Variants in CLCN5 observed in about 807,000 individuals in gnomAD.
CLCN5 encodes the protein Cl-/H+ antiporter 5.
A neutral mutation model predicts 54.0 loss-of-function variants in CLCN5; 17 were observed. The ratio of observed to expected loss-of-function variants is 0.31; its 90% confidence interval spans 0.22 to 0.47. The LOEUF (loss-of-function observed/expected upper bound fraction) is 0.47, where lower values mean the gene tolerates loss of function less well. Ranked by LOEUF, CLCN5 falls within the 20% of genes least tolerant of loss-of-function variation. The probability of loss-of-function intolerance (pLI) is 1.00; values close to 1 mark genes in which losing one functional copy is unlikely to be tolerated. For missense variants in CLCN5, 448 were observed against 646.7 expected (o/e 0.69, Z 3.33); for synonymous variants, 222 against 233.0 (o/e 0.95, Z 0.43).
intron 3 of CLCN5, among the ~76,000 whole-genome samples, chrX:49,966,494 C>T (rs1927855587): frequency 9.4e-6 from 1 of 106,624 alleles, no homozygotes; most frequent in Non-Finnish European, 1.9e-5. Flanking sequence ...TATGGATCTT[C>T]TCAAAGAACT....
At chrX:49,924,965 C>T (rs1281632032) in intron 2 of CLCN5, among the ~76,000 whole-genome samples, 1 of 112,343 alleles carries the variant, frequency 8.9e-6, no homozygotes, top group East Asian at 2.8e-4. Flanking sequence ...ATGATTCATG[C>T]AGAAATGTAT....
intron 2 of CLCN5, among the ~76,000 whole-genome samples, chrX:49,924,164 G>GTTTTTTTTTTTTTT (rs1925217923): frequency 5.5e-4 from 45 of 81,425 alleles, no homozygotes; most frequent in African/African-American, 2.5e-3. Context: ...TTTTTTTTTG[G>GTTTTTTTTTTTTTT]TTTGAGCCGG....
intron 3 of CLCN5, among the ~76,000 whole-genome samples, chrX:49,937,787 A>G (rs1358209132): frequency 8.9e-6 from 1 of 111,878 alleles, no homozygotes; most frequent in Non-Finnish European, 1.9e-5. Flanking sequence ...ATTTGTTTAA[A>G]TGTTGCAAGT....
chrX:50,090,945 AAAG>A (rs1557194748), intron 14 of CLCN5, 59 bp downstream of exon 14: 1 of 871,199 alleles, frequency 1.1e-6, no homozygotes, highest in Non-Finnish European at 1.7e-6. Flanking sequence ...GCAGAGATAG[AAAG>A]AAGTAGAAAG....
chrX:50,076,887 C>A (rs1933424713), intron 7 of CLCN5, among the ~76,000 whole-genome samples: 1 of 111,186 alleles, frequency 9.0e-6, no homozygotes, highest in Non-Finnish European at 1.9e-5. Flanking sequence ...AGTTCCTTAC[C>A]TTTATTTTAC....
At position 49,968,916 on chromosome X, in the gene CLCN5, C is replaced by T. The variant is rs1441979317; in HGVS notation, c.16+43602C>T. 4.7e-5 allele frequency among the ~76,000 whole-genome samples: 4 copies of T among 84,485 alleles called. No homozygotes were observed. The African/African-American group carries it at 4.9e-4, about 10-fold the overall frequency. The allele number at this position is 84,485 out of a possible 115,157, so 73.4% of individuals were successfully genotyped here. A position where few individuals can be genotyped will look rare whatever the true frequency, so the allele number is the denominator to read the frequency against. ...TGGGAGAAAATTTTTGCAACCTACT[C>T]ATCTGACAAAGGGCTAATATCCAGA... is the stretch of plus-strand genomic sequence containing the variant. On this transcript the variant is annotated intron_variant, in intron 3 of 14. Transcript: ENST00000376091.
intron 3 of CLCN5, among the ~76,000 whole-genome samples, chrX:49,977,567 A>G (rs1030101518): frequency 9.0e-6 from 1 of 111,723 alleles, no homozygotes; most frequent in Non-Finnish European, 1.9e-5. Flanking sequence ...ATATGTTGTC[A>G]CATTCTTAGA....
chrX:49,923,799 T>C (rs1339272230), intron 2 of CLCN5: 1 of 112,472 alleles, frequency 8.9e-6, no homozygotes, highest in Admixed American at 9.4e-5. Flanking sequence ...GCACTGTCTT[T>C]TCTCTGTTGG....
intron 3 of CLCN5, among the ~76,000 whole-genome samples, chrX:50,005,162 T>G (rs1930093508): frequency 1.8e-5 from 2 of 111,945 alleles, no homozygotes; most frequent in South Asian, 7.5e-4. Flanking sequence ...TGGATTTTTG[T>G]GATCACATCC....
chrX:50,089,897 G>A (rs1158652756), intron 12 of CLCN5, among the ~76,000 whole-genome samples: 2 of 111,175 alleles, frequency 1.8e-5, no homozygotes, highest in African/African-American at 6.5e-5. Context: ...AAAAAAGAAA[G>A]AGAGAGAAAA....
chrX:50,054,555 G>A (rs1932684936), intron 4 of CLCN5: 1 of 110,049 alleles, frequency 9.1e-6, no homozygotes, highest in African/African-American at 3.4e-5. Flanking sequence ...TTGTACTCAC[G>A]CCAGTCCACA....
intron 3 of CLCN5, among the ~76,000 whole-genome samples, chrX:49,932,135 C>T (rs1557168958): frequency 9.0e-6 from 1 of 111,494 alleles, no homozygotes; most frequent in Non-Finnish European, 1.9e-5. Context: ...AGGCTGGTCT[C>T]GAACTCCTAA....
chrX:49,965,642 G>C (rs950628693), intron 3 of CLCN5, among the ~76,000 whole-genome samples: 1 of 111,508 alleles, frequency 9.0e-6, no homozygotes, highest in Admixed American at 9.6e-5. Context: ...TAGAACCTCC[G>C]ATATAATGTT....
At chrX:50,046,824 A>T (rs1240126302) in intron 4 of CLCN5, among the ~76,000 whole-genome samples, 2 of 111,268 alleles carry the variant, frequency 1.8e-5, no homozygotes, top group African/African-American at 3.3e-5. Context: ...AAAGGCCTGA[A>T]TGAAGACAGC....
At chrX:49,989,148 C>G (rs1177473378) in intron 3 of CLCN5, among the ~76,000 whole-genome samples, 2 of 108,615 alleles carry the variant, frequency 1.8e-5, no homozygotes, top group African/African-American at 6.8e-5. Flanking sequence ...TCGTGGCTCA[C>G]TGCAGCCTGG....
chrX:49,949,633 G>T (rs1601969018), intron 3 of CLCN5, among the ~76,000 whole-genome samples: 2 of 111,488 alleles, frequency 1.8e-5, no homozygotes, highest in Admixed American at 9.6e-5. Flanking sequence ...CATTTAAAGA[G>T]CGACAGACAA....
rs1557195912 is a variant in CLCN5, at chrX:50,097,841, C to T, written c.*5622C>T. 8.9e-6 allele frequency: 1 copy of T among 112,189 alleles called. No individual in the cohort carries two copies. The highest frequency in any genetic ancestry group is 1.9e-5 in the Non-Finnish European group (1 of 53,226). The allele number at this position is 112,189 out of a possible 1,213,427, so 9.2% of individuals were successfully genotyped here. ...TGATGAGGGCTTTAGCATCTCAAGG[C>T]AGACATATGAAGTATTTACTGCTAA... On this transcript the variant is annotated 3_prime_UTR_variant, in exon 15 of 15. Transcript: ENST00000376091.
intron 14 of CLCN5, among the ~76,000 whole-genome samples, chrX:50,091,566 G>A (rs1479935414): frequency 1.8e-5 from 2 of 112,029 alleles, no homozygotes; most frequent in African/African-American, 6.5e-5. Context: ...TCCCTAACTG[G>A]TTCATTCAAC....
rs782617369 is a variant in CLCN5, at chrX:50,098,816, C to T, written c.*6597C>T. The T allele has an allele frequency of 8.9e-6, 1 of 112,520 alleles. No individual in the cohort carries two copies. Among genetic ancestry groups the T allele is most frequent in the Admixed American group, 9.4e-5 (1 of 10,584 alleles). The allele number at this position is 112,520 out of a possible 1,213,427, so 9.3% of individuals were successfully genotyped here. On this transcript the variant is annotated 3_prime_UTR_variant, in exon 15 of 15. Coordinates refer to ENST00000376091, the MANE Select transcript of CLCN5 (RefSeq NM_001127898.4). ...GGCTCACTGCTCGCTTTATTCTACT[C>T]CCTAGTCATGCGGAACAACATAGTC...
Sources: gnomAD v4.1 joint callset for allele counts (sites outside exome capture counted in the v4.1 genomes callset) on GRCh38, gnomAD v4.1.1 for gene constraint, MANE v1.5 for transcripts, NCBI Gene and HGNC (gene_info 2026-07-23, HGNC 2026-07-21) for gene names.